The following ZFHX3 variants were observed in gnomAD, a reference collection of about 807,000 sequenced individuals.
ZFHX3 encodes zinc finger homeobox 3.
In ZFHX3, 42 loss-of-function variants were observed where a neutral mutation model predicts 279.1. The observed-to-expected ratio is 0.15, with a 90% CI of 0.12 to 0.19. The LOEUF (loss-of-function observed/expected upper bound fraction) is 0.19. ZFHX3 is among the 10% of genes least tolerant of loss of function. The probability of loss-of-function intolerance (pLI) is 1.00; values close to 1 mark genes in which losing one functional copy is unlikely to be tolerated. For missense variants in ZFHX3, 4,981 were observed against 4,754.0 expected, an observed-to-expected ratio of 1.05 and a Z score of -1.40; for synonymous variants, 2,293 against 1,957.8, an observed-to-expected ratio of 1.17 and a Z score of -4.52.
chr16:72,966,322 A>G (rs186502516), intron 1 of ZFHX3, among the ~76,000 whole-genome samples: 6 of 152,376 alleles, frequency 3.9e-5, no homozygotes, highest in Admixed American at 3.3e-4. Context: ...CTTTAGATGG[A>G]AAAACATGAA....
chr16:73,028,736 G>T (rs1964597301), intron 1 of ZFHX3, among the ~76,000 whole-genome samples: 1 of 152,128 alleles, frequency 6.6e-6, no homozygotes. Context: ...CCTGGGAAAG[G>T]GGGCAGTGGG....
intron 2 of ZFHX3, among the ~76,000 whole-genome samples, chr16:73,536,800 T>C (rs975003524): frequency 1.3e-5 from 2 of 152,120 alleles, no homozygotes; most frequent in African/African-American, 4.8e-5. Flanking sequence ...GTTTCCAGGC[T>C]CCGGGACAGG....
At chr16:73,533,140 T>C (rs2019837284) in intron 2 of ZFHX3, among the ~76,000 whole-genome samples, 1 of 152,074 alleles carries the variant, frequency 6.6e-6, no homozygotes, top group African/African-American at 2.4e-5. Context: ...ATGTGCTGTC[T>C]CACACTCCAA....
intron 1 of ZFHX3, among the ~76,000 whole-genome samples, chr16:73,846,906 T>A (rs1346738597): frequency 4.6e-5 from 7 of 152,222 alleles, no homozygotes; most frequent in Non-Finnish European, 7.3e-5. Flanking sequence ...GAGGCCCTTT[T>A]TTTATTTTAA....
Position 72,786,105 on chromosome 16 carries a change from T to C in ZFHX3, c.*1059A>G, listed in dbSNP as rs1200583811. On this transcript the variant is annotated 3_prime_UTR_variant, in exon 10 of 10. Coordinates refer to ENST00000268489, the MANE Select transcript of ZFHX3 (RefSeq NM_006885.4). ...GAATTAAGGGACAAGAAAGAGAAAG[T>C]GGAATTAAGGGACAAGGGGAGAAAA... 6.6e-6 allele frequency: 1 copy of C among 151,664 alleles called. No individual in the cohort carries two copies. Among genetic ancestry groups the C allele is most frequent in the African/African-American group, 2.4e-5 (1 of 41,216 alleles). The allele number at this position is 151,664 out of a possible 1,614,324, so 9.4% of individuals were successfully genotyped here.
intron 1 of ZFHX3, among the ~76,000 whole-genome samples, chr16:73,857,959 G>A (rs1334920233): frequency 6.6e-6 from 1 of 152,084 alleles, no homozygotes; most frequent in East Asian, 1.9e-4. Context: ...AGCAGAGCTG[G>A]TGGTGCCACG....
At chr16:73,480,220 C>G (rs1162147971) in intron 2 of ZFHX3, among the ~76,000 whole-genome samples, 3 of 151,760 alleles carry the variant, frequency 2.0e-5, no homozygotes, top group Non-Finnish European at 2.9e-5. Context: ...TTCAAACACC[C>G]TTTTCTTTGA....
intron 5 of ZFHX3, among the ~76,000 whole-genome samples, chr16:73,174,846 C>A (rs1413570880): frequency 7.4e-6 from 1 of 135,504 alleles, no homozygotes; most frequent in Non-Finnish European, 1.6e-5. Flanking sequence ...GGCAAAACCC[C>A]GTCTCTACTA....
intron 3 of ZFHX3, chr16:73,318,441 A>C (rs1351069196): frequency 6.6e-6 from 1 of 151,934 alleles, no homozygotes; most frequent in African/African-American, 2.4e-5. Context: ...AGTGTAGAGC[A>C]CTGTTTGTAA....
chr16:73,861,064 A>G (rs1167126571), intron 1 of ZFHX3, among the ~76,000 whole-genome samples: 1 of 151,934 alleles, frequency 6.6e-6, no homozygotes, highest in East Asian at 1.9e-4. Flanking sequence ...TCTGGGCTCA[A>G]GTAATTCGCC....
At chr16:73,703,435 A>C (rs1381456562) in intron 1 of ZFHX3, among the ~76,000 whole-genome samples, 1 of 152,106 alleles carries the variant, frequency 6.6e-6, no homozygotes, top group African/African-American at 2.4e-5. Context: ...CAATAATATT[A>C]AAAAATAGGT....
At chr16:72,915,761 A>AT (rs2039427382) in intron 3 of ZFHX3, among the ~76,000 whole-genome samples, 1 of 149,356 alleles carries the variant, frequency 6.7e-6, no homozygotes, top group Non-Finnish European at 1.5e-5. Flanking sequence ...AGACTCTGTC[A>AT]TAAAAAAAAA....
intron 1 of ZFHX3, among the ~76,000 whole-genome samples, chr16:72,979,744 C>A (rs906123466): frequency 8.6e-5 from 13 of 152,016 alleles, no homozygotes; most frequent in African/African-American, 2.9e-4. Context: ...TAAATTGAGG[C>A]CCGGGCAAAA....
intron 1 of ZFHX3, among the ~76,000 whole-genome samples, chr16:73,046,230 A>C (rs1965295599): frequency 6.6e-6 from 1 of 152,124 alleles, no homozygotes; most frequent in African/African-American, 2.4e-5. Flanking sequence ...GAAACCCTTC[A>C]ATTATTTGGA....
chr16:73,821,807 G>C (rs919571863), intron 1 of ZFHX3, among the ~76,000 whole-genome samples: 4 of 152,250 alleles, frequency 2.6e-5, no homozygotes, highest in African/African-American at 9.6e-5. Flanking sequence ...GCTGGGCTCA[G>C]TGGGAAGTCA....
At chr16:73,215,452 C>G (rs564013546) in intron 5 of ZFHX3, among the ~76,000 whole-genome samples, 10 of 152,224 alleles carry the variant, frequency 6.6e-5, no homozygotes, top group Non-Finnish European at 1.3e-4. Context: ...GCTGCCAAGA[C>G]TATAATTCAA....
At chr16:73,115,317 G>C (rs923197869) in intron 7 of ZFHX3, among the ~76,000 whole-genome samples, 3 of 145,054 alleles carry the variant, frequency 2.1e-5, no homozygotes, top group Non-Finnish European at 4.5e-5. Context: ...TAGGCAGGAG[G>C]CTCGCTTGAG....
chr16:73,737,322 C>T (rs1197349634), intron 1 of ZFHX3, among the ~76,000 whole-genome samples: 2 of 152,154 alleles, frequency 1.3e-5, no homozygotes, highest in Non-Finnish European at 2.9e-5. Context: ...CAGGCATGAG[C>T]CACTGCACTC....
At chr16:73,800,299 C>T (rs563494184) in intron 1 of ZFHX3, among the ~76,000 whole-genome samples, 2 of 152,010 alleles carry the variant, frequency 1.3e-5, no homozygotes, top group South Asian at 2.1e-4. Flanking sequence ...CTCATTGAAA[C>T]TTCCACCTCC....
Sources: allele counts gnomAD v4.1 joint callset (sites outside exome capture counted in the v4.1 genomes callset), GRCh38; gene constraint gnomAD v4.1.1; transcripts MANE v1.5; gene names NCBI Gene and HGNC (gene_info 2026-07-23, HGNC 2026-07-21).